The following IL1RAPL2 variants were observed in gnomAD, a reference collection of about 807,000 sequenced individuals.
IL1RAPL2 encodes interleukin 1 receptor accessory protein like 2.
Under a neutral mutation model 44.1 loss-of-function variants are expected in IL1RAPL2, and 3 were observed. The observed-to-expected ratio is 0.07, with a 90% CI of 0.03 to 0.18. The LOEUF is 0.18. Ranked by LOEUF, IL1RAPL2 falls within the 10% of genes least tolerant of loss-of-function variation. The pLI, the probability that IL1RAPL2 is intolerant of heterozygous loss-of-function variation, is 1.00. For missense variants in IL1RAPL2, 391 were observed against 496.4 expected, an observed-to-expected ratio of 0.79 and a Z score of 2.02; for synonymous variants, 181 against 178.8, an observed-to-expected ratio of 1.01 and a Z score of -0.10.
intron 1 of IL1RAPL2, among the ~76,000 whole-genome samples, chrX:104,631,387 A>G (rs1180541259): frequency 1.8e-5 from 2 of 111,817 alleles, no homozygotes; most frequent in Non-Finnish European, 3.8e-5. Flanking sequence ...TGATATTTCT[A>G]GTTCTAGATA....
intron 6 of IL1RAPL2, among the ~76,000 whole-genome samples, chrX:105,545,600 T>C (rs754287110): frequency 8.9e-6 from 1 of 112,313 alleles, no homozygotes; most frequent in South Asian, 3.6e-4. Flanking sequence ...CTAATTTTTT[T>C]CTTTTATCGC....
chrX:105,155,100 T>C (rs1297477155), intron 2 of IL1RAPL2, among the ~76,000 whole-genome samples: 1 of 111,638 alleles, frequency 9.0e-6, no homozygotes, highest in Non-Finnish European at 1.9e-5. Context: ...CAGGCCTCAT[T>C]ATATCTTGCT....
rs782293286 is a variant in IL1RAPL2, at chrX:105,233,935, G to A, written c.474G>A (p.Lys158=). The change falls in exon 4 of 11, where the codon AAG becomes AAA. Residue 158 remains lysine (K), a synonymous_variant. Coordinates refer to ENST00000372582, the MANE Select transcript of IL1RAPL2 (RefSeq NM_017416.2). The part of the protein sequence containing the change: ...YLEKSEVTKR[K]EISCPDMDDF... ...AAAAATCTGAAGTCACTAAAAGAAA[G>A]GAGATCTCCTGTCCAGACATGGATG... The A allele has an allele frequency of 5.0e-6, 6 of 1,209,587 alleles. No homozygotes were observed. The South Asian group carries it at 1.1e-4, about 21-fold the overall frequency.
At chrX:105,048,861 A>G (rs1480008969) in intron 2 of IL1RAPL2, among the ~76,000 whole-genome samples, 1 of 112,338 alleles carries the variant, frequency 8.9e-6, no homozygotes, top group Non-Finnish European at 1.9e-5. Context: ...CCACTTCTCA[A>G]TAACCACATG....
In IL1RAPL2 at chrX:105,635,451, T is replaced by G. The variant is rs1200800569; in HGVS notation, c.773-81916T>G. The stretch of plus-strand genomic sequence containing the variant: ...ACAGTATGGTGGGTGCCACGGAAGG[T>G]CAGGGTGCCAGAAGAAGGTGTTTAG... On this transcript the variant is annotated intron_variant, in intron 6 of 10. Coordinates refer to ENST00000372582, the MANE Select transcript of IL1RAPL2 (RefSeq NM_017416.2). 1.8e-5 allele frequency among the ~76,000 whole-genome samples: 2 copies of G among 111,423 alleles called. 1 individual carries two copies. Among genetic ancestry groups the G allele is most frequent in the Admixed American group, 1.9e-4 (2 of 10,464 alleles).
intron 2 of IL1RAPL2, among the ~76,000 whole-genome samples, chrX:104,790,715 C>T (rs1426915422): frequency 8.9e-6 from 1 of 111,773 alleles, no homozygotes; most frequent in African/African-American, 3.3e-5. Flanking sequence ...AATTTTCCCC[C>T]TCATATCAGA....
intron 2 of IL1RAPL2, among the ~76,000 whole-genome samples, chrX:105,022,667 C>A (rs2031302022): frequency 9.0e-6 from 1 of 111,071 alleles, no homozygotes; most frequent in Non-Finnish European, 1.9e-5. Flanking sequence ...GAAAGCTTCC[C>A]CCACCAGCCT....
intron 1 of IL1RAPL2, among the ~76,000 whole-genome samples, chrX:104,632,273 C>CG (rs1929668768): frequency 1.8e-5 from 2 of 111,370 alleles, no homozygotes; most frequent in African/African-American, 6.5e-5. Flanking sequence ...AGTCAGGTAG[C>CG]TCGATGCCTC....
At chrX:105,260,279 C>T (rs2034346947) in intron 4 of IL1RAPL2, among the ~76,000 whole-genome samples, 1 of 112,353 alleles carries the variant, frequency 8.9e-6, no homozygotes, top group South Asian at 3.7e-4. Context: ...ACGGCCCAGC[C>T]CTCCTTCTGA....
At chrX:105,028,474 A>G (rs944611550) in intron 2 of IL1RAPL2, among the ~76,000 whole-genome samples, 1 of 111,484 alleles carries the variant, frequency 9.0e-6, no homozygotes, top group Non-Finnish European at 1.9e-5. Flanking sequence ...TATGTACCCA[A>G]TCAAATTGAA....
intron 1 of IL1RAPL2, among the ~76,000 whole-genome samples, chrX:104,604,777 A>G (rs767110354): frequency 2.7e-5 from 3 of 111,245 alleles, no homozygotes; most frequent in Non-Finnish European, 5.7e-5. Context: ...TAACTATCCT[A>G]TATATACATG....
In IL1RAPL2 at chrX:105,149,529, G is replaced by A. The variant is rs140182105; in HGVS notation, c.83-45946G>A. ...CAAATGAGAACATGTATATTAAGGC[G>A]GTATACAAATGGTAAAACATGGCCA... is the stretch of plus-strand genomic sequence containing the variant. On this transcript the variant is annotated intron_variant, in intron 2 of 10. Transcript: ENST00000372582. Among the ~76,000 whole-genome samples the A allele has an allele frequency of 6.0e-3, 666 of 111,348 alleles. 5 individuals carry two copies. The highest frequency in any genetic ancestry group is 0.028 in the Middle Eastern group (6 of 213).
intron 1 of IL1RAPL2, among the ~76,000 whole-genome samples, chrX:104,584,511 G>C (rs907040962): frequency 1.8e-5 from 2 of 109,189 alleles, no homozygotes; most frequent in African/African-American, 6.7e-5. Context: ...ATCTCCTTTT[G>C]GGGCAGTGTT....
chrX:104,652,608 C>T (rs1457930475), intron 1 of IL1RAPL2, among the ~76,000 whole-genome samples: 6 of 111,408 alleles, frequency 5.4e-5, no homozygotes, highest in African/African-American at 9.8e-5. Flanking sequence ...TAAATTTAAC[C>T]GATTCATTAA....
chrX:104,719,726 A>G (rs191287582), intron 2 of IL1RAPL2, among the ~76,000 whole-genome samples: 453 of 111,506 alleles, frequency 4.1e-3, no homozygotes, highest in African/African-American at 0.014. Context: ...TCCTGTTGCA[A>G]TTTGTTGTAG....
At chrX:104,743,802 A>T (rs1932131124) in intron 2 of IL1RAPL2, among the ~76,000 whole-genome samples, 1 of 111,376 alleles carries the variant, frequency 9.0e-6, no homozygotes, top group Non-Finnish European at 1.9e-5. Context: ...GTGGTTGGAT[A>T]ACTTACACTG....
intron 1 of IL1RAPL2, among the ~76,000 whole-genome samples, chrX:104,585,140 TAC>T (rs1295487396): frequency 5.3e-4 from 27 of 50,860 alleles, no homozygotes; most frequent in African/African-American, 2.1e-3. Context: ...AAGACATATA[TAC>T]ACACACACAT....
intron 2 of IL1RAPL2, among the ~76,000 whole-genome samples, chrX:104,728,685 C>A (rs1433687250): frequency 1.8e-5 from 2 of 111,221 alleles, no homozygotes; most frequent in Non-Finnish European, 1.9e-5. Flanking sequence ...TAAGCTGCCA[C>A]ATACCTGCAA....
At chrX:104,900,127 C>T (rs1402179876) in intron 2 of IL1RAPL2, among the ~76,000 whole-genome samples, 1 of 111,955 alleles carries the variant, frequency 8.9e-6, no homozygotes. Flanking sequence ...GGTGATATCT[C>T]ATCACATCTA....
Sources: gnomAD v4.1 joint callset for allele counts (sites outside exome capture counted in the v4.1 genomes callset) on GRCh38, gnomAD v4.1.1 for gene constraint, MANE v1.5 for transcripts, NCBI Gene and HGNC (gene_info 2026-07-23, HGNC 2026-07-21) for gene names.